The following CRB1 variants were observed in gnomAD, a reference collection of about 807,000 sequenced individuals.
CRB1 encodes the protein protein crumbs homolog 1.
In CRB1, 83 loss-of-function variants were observed where a neutral mutation model predicts 120.0. The ratio of observed to expected loss-of-function variants is 0.69; its 90% CI spans 0.58 to 0.83. The LOEUF is 0.83. Among genes scored for constraint, CRB1 ranks in the 40% least tolerant of loss-of-function variants. The probability of loss-of-function intolerance (pLI) is 0.00; values close to 1 mark genes in which losing one functional copy is unlikely to be tolerated. For synonymous variants in CRB1, 625 were observed against 612.5 expected, an observed-to-expected ratio of 1.02 and a Z score of -0.30; for missense variants, 1,699 against 1,687.6, an observed-to-expected ratio of 1.01 and a Z score of -0.12.
At chr1:197,456,553 A>T (rs7525737) in intron 11 of CRB1, among the ~76,000 whole-genome samples, 140,608 of 152,174 alleles carry the variant, frequency 0.92, 66,031 homozygotes, top group East Asian at 1. Context: ...TTTGTTGATG[A>T]CAGTGTCTTG....
At position 197,384,034 on chromosome 1, in the gene CRB1, T is replaced by C. The variant is rs530664708; in HGVS notation, c.1171+27021T>C. ...AGATTTTGCTCTTGGATATGGTTTA[T>C]TCAGCAGATGTAATAATTTTAAAAG... On this transcript the variant is annotated intron_variant, in intron 5 of 11. Coordinates refer to ENST00000367400, the MANE Select transcript of CRB1 (RefSeq NM_201253.3). Among the ~76,000 whole-genome samples, 7 of 152,332 alleles carry C rather than the reference T, an allele frequency of 4.6e-5. No homozygotes were observed. In the South Asian group the frequency reaches 1.4e-3, roughly 32 times the overall value.
At chr1:197,271,063 G>A (rs565062055) in intron 1 of CRB1, among the ~76,000 whole-genome samples, 11 of 152,114 alleles carry the variant, frequency 7.2e-5, no homozygotes, top group Admixed American at 4.6e-4. Flanking sequence ...ATGGGGCATC[G>A]TGGTATGTGC....
At chr1:197,473,927 T>G (rs1667095031) in intron 11 of CRB1, among the ~76,000 whole-genome samples, 1 of 152,020 alleles carries the variant, frequency 6.6e-6, no homozygotes, top group Non-Finnish European at 1.5e-5. Flanking sequence ...AAAACCCTAC[T>G]CATTCAGTTC....
chr1:197,345,642 G>T (rs1235181249), intron 3 of CRB1, among the ~76,000 whole-genome samples: 1 of 151,088 alleles, frequency 6.6e-6, no homozygotes, highest in African/African-American at 2.4e-5. Flanking sequence ...TGAGTAGCTG[G>T]TATTACATAT....
the CRB1 span, among the ~76,000 whole-genome samples, chr1:197,237,530 G>T: frequency 2.0e-5 from 3 of 152,040 alleles, no homozygotes; most frequent in African/African-American, 4.8e-5. Context: ...GAATTTTGGG[G>T]GAGGGACACA....
chr1:197,434,458 C>A (rs1478973808), intron 8 of CRB1, among the ~76,000 whole-genome samples: 1 of 152,022 alleles, frequency 6.6e-6, no homozygotes, highest in Non-Finnish European at 1.5e-5. Flanking sequence ...AATTACATGA[C>A]CATGAACAAA....
rs1474084047 is a variant in CRB1, at chr1:197,332,111, GCCTGAGCGACAGGGTGAGA to G, written c.652+3111_652+3129del. ...GCTGAGATTGTGCCATTGCACTCCA[GCCTGAGCGACAGGGTGAGA>G]CCCTGTCTCAAAAAAACAAAAAACA... is the stretch of plus-strand genomic sequence containing the variant. On this transcript the variant is annotated intron_variant, in intron 2 of 11. Transcript: ENST00000367400. Among the ~76,000 whole-genome samples the G allele has an allele frequency of 8.7e-4, 132 of 152,196 alleles. 2 individuals carry two copies. The highest frequency in any genetic ancestry group is 2.9e-3 in the African/African-American group (120 of 41,502).
chr1:197,291,715 GTTA>G (rs1165563943), intron 1 of CRB1, among the ~76,000 whole-genome samples: 1 of 151,776 alleles, frequency 6.6e-6, no homozygotes, highest in Non-Finnish European at 1.5e-5. Context: ...TGGACAGCCT[GTTA>G]TTATTCATTG....
At chr1:197,228,622 C>T in the CRB1 span, among the ~76,000 whole-genome samples, 8 of 152,118 alleles carry the variant, frequency 5.3e-5, no homozygotes, top group African/African-American at 1.4e-4. Context: ...CACATTTTCC[C>T]GGCTTCTTCT....
At chr1:197,474,095 G>A (rs1324140937) in intron 11 of CRB1, among the ~76,000 whole-genome samples, 1 of 152,168 alleles carries the variant, frequency 6.6e-6, no homozygotes, top group Non-Finnish European at 1.5e-5. Flanking sequence ...TCTTTTAAAA[G>A]CAAATAGAAT....
chr1:197,251,778 G>A, the CRB1 span, among the ~76,000 whole-genome samples: 2 of 151,952 alleles, frequency 1.3e-5, no homozygotes, highest in Non-Finnish European at 2.9e-5. Flanking sequence ...GTGCACACAT[G>A]CATGTGCATG....
the CRB1 span, among the ~76,000 whole-genome samples, chr1:197,227,554 G>A: frequency 3.6e-4 from 55 of 152,066 alleles, 1 homozygote; most frequent in East Asian, 0.01. Context: ...ATAGTCTTGG[G>A]CAGCTCTGCC....
At chr1:197,429,127 A>G (rs763927666) in intron 7 of CRB1, 1 of 1,532,914 alleles carries the variant, frequency 6.5e-7, no homozygotes, top group Non-Finnish European at 8.7e-7. Flanking sequence ...CCCTTCCTCA[A>G]ATGATAATTA....
rs1227693379 is a variant in CRB1 at position 197,421,800 on chromosome 1, AT to A, written c.1973del (p.Ile658ThrfsTer7). On this transcript the variant is annotated frameshift_variant, in exon 6 of 12. Coordinates refer to ENST00000367400, the MANE Select transcript of CRB1 (RefSeq NM_201253.3). LOFTEE classifies it high-confidence loss of function. ...IDWNHITLEN[I>X]SSGSSLNVKA... Reference sequence around the variant, plus strand: ...TTGGAATCACATTACCCTGGAGAACATCTCGTCTGGCTCATCATTAAATGTC... The same window carrying A: ...TTGGAATCACATTACCCTGGAGAACACTCGTCTGGCTCATCATTAAATGTC... 6.2e-7 allele frequency: 1 copy of A among 1,614,090 alleles called. No homozygotes were observed. The highest frequency in any genetic ancestry group is 8.5e-7 in the Non-Finnish European group (1 of 1,180,044).
At chr1:197,376,509 C>T (rs942117519) in intron 5 of CRB1, among the ~76,000 whole-genome samples, 7 of 152,146 alleles carry the variant, frequency 4.6e-5, no homozygotes, top group Non-Finnish European at 7.4e-5. Context: ...GTTGGTCAGG[C>T]CATAAATTCA....
intron 5 of CRB1, among the ~76,000 whole-genome samples, chr1:197,392,600 A>G (rs1198270472): frequency 6.6e-6 from 1 of 152,150 alleles, no homozygotes; most frequent in Non-Finnish European, 1.5e-5. Context: ...AAGGAACTAA[A>G]AGGGAAAAGA....
chr1:197,453,789 A>G (rs1666107882), intron 11 of CRB1, among the ~76,000 whole-genome samples: 1 of 143,402 alleles, frequency 7.0e-6, no homozygotes, highest in East Asian at 2.0e-4. Context: ...TTATTATATT[A>G]TTAATATATT....
the CRB1 span, among the ~76,000 whole-genome samples, chr1:197,228,304 C>T: frequency 8.5e-5 from 13 of 152,224 alleles, no homozygotes; most frequent in Admixed American, 5.9e-4. Context: ...TGCTCTTTTT[C>T]GCTTTTGAAA....
intron 11 of CRB1, among the ~76,000 whole-genome samples, chr1:197,472,481 C>T (rs1667023962): frequency 6.6e-6 from 1 of 152,176 alleles, no homozygotes; most frequent in Non-Finnish European, 1.5e-5. Flanking sequence ...CACCTCTGTT[C>T]ACTTGGGAAT....
Sources: gnomAD v4.1 joint callset for allele counts (sites outside exome capture counted in the v4.1 genomes callset) on GRCh38, gnomAD v4.1.1 for gene constraint, MANE v1.5 for transcripts, NCBI Gene and HGNC (gene_info 2026-07-23, HGNC 2026-07-21) for gene names.